GSTO2: variants seen among roughly 807,000 people sequenced by gnomAD.
GSTO2 encodes glutathione S-transferase omega 2, also known as glutathione S-transferase omega-2.
A neutral mutation model predicts 28.4 loss-of-function variants in GSTO2; 23 were observed. That is an observed-to-expected ratio of 0.81 (90% CI 0.58 to 1.15). The LOEUF (loss-of-function observed/expected upper bound fraction) is 1.15, where lower values mean the gene tolerates loss of function less well. Among genes scored for constraint, GSTO2 ranks in the 50% most tolerant of loss-of-function variants. The probability of loss-of-function intolerance (pLI) is 0.00; values close to 1 mark genes in which losing one functional copy is unlikely to be tolerated. For synonymous variants in GSTO2, 109 were observed against 111.0 expected (o/e 0.98, Z 0.11); for missense variants, 298 against 297.8 (o/e 1.00, Z 0.00).
In GSTO2 at chr10:104,303,163, T is replaced by C. The variant is rs1365311859; in HGVS notation, c.*3879T>C. The C allele has an allele frequency of 6.6e-6, 1 of 152,200 alleles. No individual in the cohort carries two copies. The highest frequency in any genetic ancestry group is 2.4e-5 in the African/African-American group (1 of 41,454). 9.4% of individuals were successfully genotyped at this position (152,200 alleles called of 1,614,324 possible). ...TTGTTACCCTCCACATGTCCATGTGTTCTCATGATTTAGCTCCCACTTATA... is the reference window on the plus strand; with the variant it reads ...TTGTTACCCTCCACATGTCCATGTGCTCTCATGATTTAGCTCCCACTTATA... On this transcript the variant is annotated 3_prime_UTR_variant, in exon 7 of 7. Transcript: ENST00000338595.
chr10:104,284,714 G>A (rs1342163701), intron 5 of GSTO2, among the ~76,000 whole-genome samples: 1 of 152,180 alleles, frequency 6.6e-6, no homozygotes, highest in Non-Finnish European at 1.5e-5. Context: ...GGATTTGAAT[G>A]TGGCAGGACC....
At chr10:104,270,535 A>AATAGGG (rs2011346680) in intron 1 of GSTO2, among the ~76,000 whole-genome samples, 1 of 152,182 alleles carries the variant, frequency 6.6e-6, no homozygotes. Context: ...TGTAGAGAGA[A>AATAGGG]ATAGGGATAG....
chr10:104,274,201 G>A (rs560159679), intron 1 of GSTO2, among the ~76,000 whole-genome samples: 1 of 152,234 alleles, frequency 6.6e-6, no homozygotes, highest in South Asian at 2.1e-4. Flanking sequence ...TTTGCCTCCA[G>A]GTATCTTAAT....
chr10:104,290,747 AGGGTAGT>A (rs2012724177), intron 5 of GSTO2, among the ~76,000 whole-genome samples: 1 of 152,188 alleles, frequency 6.6e-6, no homozygotes, highest in South Asian at 2.1e-4. Context: ...GAGGCTAGGA[AGGGTAGT>A]GTGAGCTGGC....
intron 2 of GSTO2, 119 bp from the exon 3 acceptor site, chr10:104,275,107 G>C: frequency 6.6e-7 from 1 of 1,515,424 alleles, no homozygotes; most frequent in East Asian, 2.4e-5. Context: ...TGCCCTCTCT[G>C]GGACTTGGGA....
rs1179804779 is a variant in GSTO2 at position 104,301,358 on chromosome 10, AG to A, written c.*2076del. ...GAATGGAGAAAAGCACTCATGGGGG[AG>A]GTTTGCAGCCTGGTGGCCTATAGCC... On this transcript the variant is annotated 3_prime_UTR_variant, in exon 7 of 7. Coordinates refer to ENST00000338595, the MANE Select transcript of GSTO2 (RefSeq NM_183239.2). 1.3e-5 allele frequency: 2 copies of A among 152,222 alleles called. No individual in the cohort carries two copies. Among genetic ancestry groups the A allele is most frequent in the African/African-American group, 4.8e-5 (2 of 41,448 alleles). The allele number at this position is 152,222 out of a possible 1,614,324, so 9.4% of individuals were successfully genotyped here. A position where few individuals can be genotyped will look rare whatever the true frequency, so the allele number is the denominator to read the frequency against.
intron 3 of GSTO2, among the ~76,000 whole-genome samples, 164 bp from the exon 4 acceptor site, chr10:104,277,730 A>C (rs34090030): frequency 0.029 from 4,442 of 152,346 alleles, 96 homozygotes; most frequent in South Asian, 0.11. Flanking sequence ...ATCTTACTGC[A>C]GGAAGGAAGA....
chr10:104,280,161 C>G (rs1339800612), intron 5 of GSTO2, among the ~76,000 whole-genome samples: 2 of 83,672 alleles, frequency 2.4e-5, no homozygotes, highest in Admixed American at 1.8e-4. Flanking sequence ...GTAAGTAGGA[C>G]TGACAAAAAA....
intron 2 of GSTO2, 62 bp downstream of exon 2, chr10:104,275,011 G>A (rs2011559424): frequency 3.9e-6 from 6 of 1,554,296 alleles, no homozygotes; most frequent in Non-Finnish European, 5.2e-6. Flanking sequence ...TGTTGGCTTC[G>A]GCGGAGCTGC....
At chr10:104,274,141 G>T (rs2011525692) in intron 1 of GSTO2, among the ~76,000 whole-genome samples, 2 of 152,180 alleles carry the variant, frequency 1.3e-5, no homozygotes, top group South Asian at 4.1e-4. Context: ...ACTAGTAAGA[G>T]TGTTCTCAAA....
chr10:104,276,044 C>T (rs1589857407), intron 3 of GSTO2, among the ~76,000 whole-genome samples: 1 of 152,170 alleles, frequency 6.6e-6, no homozygotes, highest in East Asian at 1.9e-4. Context: ...AGCAGCTTTG[C>T]TGGGATGTGG....
intron 6 of GSTO2, among the ~76,000 whole-genome samples, chr10:104,298,640 C>G (rs2013153461): frequency 6.6e-6 from 1 of 152,106 alleles, no homozygotes; most frequent in Non-Finnish European, 1.5e-5. Context: ...TTGAAAGAGC[C>G]CTGTCGGCTC....
rs535524674 is a variant in GSTO2 at position 104,283,756 on chromosome 10, A to G, written c.468+4285A>G. On this transcript the variant is annotated intron_variant, in intron 5 of 6. Transcript: ENST00000338595. ...ATATTTATTCCAGGAGATTCTAGTG[A>G]AATTGAAATTTATCAGAATAATTCT... Among the ~76,000 whole-genome samples the G allele has an allele frequency of 1.3e-4, 20 of 152,362 alleles. No individual in the cohort carries two copies. In the South Asian group the frequency reaches 2.5e-3, roughly 19 times the overall value.
intron 1 of GSTO2, among the ~76,000 whole-genome samples, chr10:104,271,680 T>G (rs895260446): frequency 6.6e-6 from 1 of 152,256 alleles, no homozygotes; most frequent in Non-Finnish European, 1.5e-5. Context: ...CCAAATTAAC[T>G]TGGCATTTCA....
At position 104,301,512 on chromosome 10, in the gene GSTO2, C is replaced by CT. The variant is rs1296878409; in HGVS notation, c.*2229dup. On this transcript the variant is annotated 3_prime_UTR_variant, in exon 7 of 7. Coordinates refer to ENST00000338595, the MANE Select transcript of GSTO2 (RefSeq NM_183239.2). ...TCACTTGTCTGACCCACAGAGAAAACTGAGTTATCAATCTTTGAATAAAAC... is the reference window on the plus strand; with the variant it reads ...TCACTTGTCTGACCCACAGAGAAAACTTGAGTTATCAATCTTTGAATAAAAC... 2.6e-5 allele frequency: 4 copies of CT among 152,106 alleles called. No homozygotes were observed. Among genetic ancestry groups the CT allele is most frequent in the African/African-American group, 9.7e-5 (4 of 41,402 alleles). The allele number at this position is 152,106 out of a possible 1,614,324, so 9.4% of individuals were successfully genotyped here.
chr10:104,286,650 C>T (rs1589867999), intron 5 of GSTO2, among the ~76,000 whole-genome samples: 1 of 152,148 alleles, frequency 6.6e-6, no homozygotes. Flanking sequence ...AACTGATTAT[C>T]CCTGACTCAG....
At chr10:104,272,227 A>T (rs921195936) in intron 1 of GSTO2, among the ~76,000 whole-genome samples, 24 of 151,990 alleles carry the variant, frequency 1.6e-4, no homozygotes, top group African/African-American at 4.1e-4. Context: ...ACTTTTTTTT[A>T]AAAAAAGGCT....
At position 104,275,440 on chromosome 10, in the gene GSTO2, T is replaced by C. The variant is rs1177737991; in HGVS notation, c.143+106T>C. On this transcript the variant is annotated intron_variant, in intron 3 of 6. Transcript: ENST00000338595. ...TGCTCAGCTTTTACAAGGGGCTCCC[T>C]GTCCCTTTTTTCGGAGGCAAAGTCA... is the stretch of plus-strand genomic sequence containing the variant. 7 of 972,210 alleles carry C rather than the reference T, an allele frequency of 7.2e-6. No individual in the cohort carries two copies. The African/African-American group carries it at 1.2e-4, about 16-fold the overall frequency. 60.2% of individuals were successfully genotyped at this position (972,210 alleles called of 1,614,324 possible). A position where few individuals can be genotyped will look rare whatever the true frequency, so the allele number is the denominator to read the frequency against.
At position 104,277,925 on chromosome 10, in the gene GSTO2, A is replaced by T. The variant is rs775540190; in HGVS notation, c.175A>T (p.Lys59Ter). Residue 59 changes from lysine (K) to a stop codon, truncating the protein, a stop_gained, in exon 4 of 7, where the codon AAG (lysine) becomes TAG (stop). Coordinates refer to ENST00000338595, the MANE Select transcript of GSTO2 (RefSeq NM_183239.2). LOFTEE classifies it high-confidence loss of function. Reference sequence around the variant, plus strand: ...AGTGGTCAACATTAACCTGAGAAACAAGCCTGAATGGTACTATACAAAGCA... The same window carrying T: ...AGTGGTCAACATTAACCTGAGAAACTAGCCTGAATGGTACTATACAAAGCA... ...HEVVNINLRNKPEWYYTKHPF... is the reference protein window; with the variant it reads ...HEVVNINLRN 1.9e-6 allele frequency: 3 copies of T among 1,614,014 alleles called. No homozygotes were observed. Among genetic ancestry groups the T allele is most frequent in the Non-Finnish European group, 2.5e-6 (3 of 1,179,906 alleles).
Sources: allele counts gnomAD v4.1 joint callset (sites outside exome capture counted in the v4.1 genomes callset), GRCh38; gene constraint gnomAD v4.1.1; transcripts MANE v1.5; gene names NCBI Gene and HGNC (gene_info 2026-07-23, HGNC 2026-07-21).